Variants in BIN3 observed in about 807,000 individuals in gnomAD.
BIN3 encodes the protein bridging integrator 3.
Under a neutral mutation model 38.2 loss-of-function variants are expected in BIN3, and 41 were observed. The ratio of observed to expected loss-of-function variants is 1.07; its 90% CI spans 0.84 to 1.39. The LOEUF (loss-of-function observed/expected upper bound fraction) is 1.39, where lower values mean the gene tolerates loss of function less well. BIN3 is among the 40% of genes most tolerant of loss of function. The pLI, the probability that BIN3 is intolerant of heterozygous loss-of-function variation, is 0.00. For missense variants in BIN3, 361 were observed against 324.3 expected (o/e 1.11, Z -0.87); for synonymous variants, 145 against 122.6 (o/e 1.18, Z -1.21).
intron 1 of BIN3, among the ~76,000 whole-genome samples, chr8:22,651,785 A>G (rs1802902955): frequency 6.6e-6 from 1 of 152,188 alleles, no homozygotes; most frequent in African/African-American, 2.4e-5. Context: ...ATGTGGGTCT[A>G]TTTTCATCCA....
At chr8:22,624,859 A>G (rs1300039197) in intron 6 of BIN3, 1 of 193,826 alleles carries the variant, frequency 5.2e-6, no homozygotes, top group Non-Finnish European at 1.1e-5. Context: ...CAAAGTCACG[A>G]TGAGGCAGAG....
chr8:22,650,263 A>T (rs1802848875), intron 1 of BIN3, among the ~76,000 whole-genome samples: 1 of 152,240 alleles, frequency 6.6e-6, no homozygotes, highest in Non-Finnish European at 1.5e-5. Context: ...AGATTGAAAC[A>T]TTTAACATTT....
At chr8:22,627,261 A>G (rs748785386) in intron 6 of BIN3, among the ~76,000 whole-genome samples, 41 of 152,138 alleles carry the variant, frequency 2.7e-4, no homozygotes, top group Non-Finnish European at 7.4e-5. Flanking sequence ...ATTCAGTGGG[A>G]ACTCACATCA....
At chr8:22,635,060 C>T (rs1802325797) in intron 4 of BIN3, among the ~76,000 whole-genome samples, 1 of 152,202 alleles carries the variant, frequency 6.6e-6, no homozygotes, top group African/African-American at 2.4e-5. Context: ...GCTGCCTCTC[C>T]TGCATCTCTG....
intron 1 of BIN3, among the ~76,000 whole-genome samples, chr8:22,656,813 C>A (rs1057089467): frequency 7.9e-5 from 12 of 152,204 alleles, no homozygotes; most frequent in African/African-American, 2.9e-4. Context: ...CTCCTATAAC[C>A]TATTATTGTG....
At chr8:22,623,523 G>A (rs1160136815) in intron 8 of BIN3, among the ~76,000 whole-genome samples, 1 of 152,182 alleles carries the variant, frequency 6.6e-6, no homozygotes, top group Non-Finnish European at 1.5e-5. Context: ...GAGGGGAGCT[G>A]AGTCCTCAGA....
chr8:22,664,622 C>T (rs1803353146), intron 1 of BIN3, among the ~76,000 whole-genome samples: 1 of 152,246 alleles, frequency 6.6e-6, no homozygotes, highest in African/African-American at 2.4e-5. Flanking sequence ...CTCCGTGATC[C>T]AATCAGCTTG....
intron 6 of BIN3, among the ~76,000 whole-genome samples, chr8:22,629,380 G>A (rs995208888): frequency 7.2e-5 from 11 of 152,196 alleles, no homozygotes; most frequent in Non-Finnish European, 1.3e-4. Flanking sequence ...CCTGGGGACC[G>A]AGGGAATAGG....
chr8:22,659,420 A>G (rs931749059), intron 1 of BIN3, among the ~76,000 whole-genome samples: 8 of 152,206 alleles, frequency 5.3e-5, no homozygotes, highest in African/African-American at 1.9e-4. Flanking sequence ...TGTGACTTGG[A>G]CCAGAACAAT....
chr8:22,642,839 C>T (rs966576427), intron 2 of BIN3, among the ~76,000 whole-genome samples: 8 of 152,220 alleles, frequency 5.3e-5, no homozygotes, highest in Non-Finnish European at 1.0e-4. Context: ...GACCCCCAGT[C>T]TATCAGAGAG....
intron 6 of BIN3, chr8:22,625,433 C>T (rs990821722): frequency 4.3e-6 from 3 of 702,240 alleles, no homozygotes; most frequent in East Asian, 5.4e-5. Flanking sequence ...TTATGAGGAA[C>T]CCAGAGAGGA....
At position 22,621,339 on chromosome 8, in the gene BIN3, G is replaced by C; in HGVS notation, c.*83C>G. The C allele has an allele frequency of 6.7e-7, 1 of 1,503,370 alleles. No homozygotes were observed. The highest frequency in any genetic ancestry group is 2.0e-5 in the Admixed American group (1 of 49,020). The allele number at this position is 1,503,370 out of a possible 1,614,324, so 93.1% of individuals were successfully genotyped here. A position where few individuals can be genotyped will look rare whatever the true frequency, so the allele number is the denominator to read the frequency against. On this transcript the variant is annotated 3_prime_UTR_variant, in exon 9 of 9. Coordinates refer to ENST00000276416, the MANE Select transcript of BIN3 (RefSeq NM_018688.6). The stretch of plus-strand genomic sequence containing the variant: ...CCAGGGCCACCTCTGTCCCCAGCCT[G>C]TGAGAGGAGCAGCTAGCCCTGAGAA...
At chr8:22,627,616 G>A (rs576582850) in intron 6 of BIN3, among the ~76,000 whole-genome samples, 5 of 152,108 alleles carry the variant, frequency 3.3e-5, no homozygotes, top group Admixed American at 2.6e-4. Flanking sequence ...CGTGAAGCCA[G>A]GACCCAGGCT....
chr8:22,657,746 G>T (rs1803101342), intron 1 of BIN3, among the ~76,000 whole-genome samples: 3 of 152,248 alleles, frequency 2.0e-5, no homozygotes, highest in Admixed American at 2.0e-4. Context: ...CAACACAACT[G>T]CACTTCAGCA....
At position 22,624,330 on chromosome 8, in the gene BIN3, A is replaced by G. The variant is rs765658967; in HGVS notation, c.372T>C (p.Ala124=). ...FGSVFPSLNM[A]VKRREQALQD... ...GCAAGGCCTGTTCCCGCCTCTTCAC[A>G]GCCATGTTGAGGCTCGGGAAGACAC... The change falls in exon 7 of 9, where the codon GCT becomes GCC. Residue 124 remains alanine (A), a synonymous_variant. Transcript: ENST00000276416. The G allele has an allele frequency of 1.9e-6, 3 of 1,613,806 alleles. No homozygotes were observed. In the South Asian group the frequency reaches 3.3e-5, roughly 18 times the overall value.
chr8:22,666,700 G>C (rs1374406248), intron 1 of BIN3, among the ~76,000 whole-genome samples: 1 of 152,146 alleles, frequency 6.6e-6, no homozygotes, highest in Non-Finnish European at 1.5e-5. Context: ...TGTGCAAAGG[G>C]CATCAATATT....
At chr8:22,623,507 G>A (rs993088694) in intron 8 of BIN3, among the ~76,000 whole-genome samples, 2 of 152,220 alleles carry the variant, frequency 1.3e-5, no homozygotes, top group Admixed American at 6.5e-5. Context: ...CTCACGGTAG[G>A]CAGGGGAGGG....
intron 6 of BIN3, chr8:22,625,040 C>T (rs10102801): frequency 0.07 from 28,102 of 402,764 alleles, 2,406 homozygotes; most frequent in African/African-American, 0.28. Flanking sequence ...TCCTCTGGCT[C>T]TGCCATTGGA....
chr8:22,621,614 G>T (rs372741745), intron 8 of BIN3, 46 bp from the exon 9 acceptor site: 6 of 1,585,142 alleles, frequency 3.8e-6, no homozygotes, highest in Admixed American at 3.3e-5. Context: ...CCAGGGAACC[G>T]TGTGCTTCAG....
Sources: gnomAD v4.1 joint callset for allele counts (sites outside exome capture counted in the v4.1 genomes callset) on GRCh38, gnomAD v4.1.1 for gene constraint, MANE v1.5 for transcripts, NCBI Gene and HGNC (gene_info 2026-07-23, HGNC 2026-07-21) for gene names.